Variants in PALS1 observed in about 807,000 individuals in gnomAD.
The protein encoded by PALS1 is protein associated with LIN7 1, MAGUK p55 family member.
PALS1 carries 31 observed loss-of-function variants against 78.9 expected under a neutral mutation model. The observed-to-expected ratio is 0.39, with a 90% confidence interval of 0.30 to 0.53. PALS1 has a LOEUF of 0.53. PALS1 is among the 20% of genes least tolerant of loss of function. The pLI is 0.67. For missense variants in PALS1, 704 were observed against 826.5 expected (o/e 0.85, Z 1.82); for synonymous variants, 276 against 270.9 (o/e 1.02, Z -0.18).
chr14:67,252,239 G>T (rs568848087), intron 1 of PALS1, among the ~76,000 whole-genome samples: 36 of 152,108 alleles, frequency 2.4e-4, no homozygotes, highest in African/African-American at 8.7e-4. Context: ...ACCCAGGCTG[G>T]AGTGCAGTGG....
At chr14:67,276,730 C>T (rs765850354) in intron 2 of PALS1, among the ~76,000 whole-genome samples, 1 of 152,068 alleles carries the variant, frequency 6.6e-6, no homozygotes, top group Non-Finnish European at 1.5e-5. Context: ...CAGATTACTA[C>T]CAGGTTATAG....
Position 67,316,896 on chromosome 14 carries a change from A to G in PALS1, c.1290A>G (p.Glu430=). ...KQTIEEDKEP[E]KSGKLWCAKK... ...CCATAGAAGAAGATAAGGAGCCAGA[A>G]AAATCAGGTTAGACACTTGTATTTG... is the stretch of plus-strand genomic sequence containing the variant. Residue 430 remains glutamate (E), a synonymous_variant, in exon 10 of 15, where the codon GAA becomes GAG. Transcript: ENST00000261681. 1 of 1,611,524 alleles carries G rather than the reference A, an allele frequency of 6.2e-7. No homozygotes were observed. The highest frequency in any genetic ancestry group is 2.2e-5 in the East Asian group (1 of 44,740).
In PALS1 at chr14:67,312,448, T is replaced by C. The variant is rs530568088; in HGVS notation, c.1042-79T>C. 5.9e-6 allele frequency: 6 copies of C among 1,021,516 alleles called. No homozygotes were observed. In the Admixed American group the frequency reaches 1.7e-4, roughly 29 times the overall value. The allele number at this position is 1,021,516 out of a possible 1,614,324, so 63.3% of individuals were successfully genotyped here. A position where few individuals can be genotyped will look rare whatever the true frequency, so the allele number is the denominator to read the frequency against. ...TTTAAAATTAAAAAATAATAAAAAA[T>C]TTGTAGCATTTAAATTGTATTCATA... On this transcript the variant is annotated intron_variant, in intron 8 of 14. Coordinates refer to ENST00000261681, the MANE Select transcript of PALS1 (RefSeq NM_022474.4).
chr14:67,325,979 C>CTTTTTTTTTTTTTTTTT (rs61592505), intron 14 of PALS1, among the ~76,000 whole-genome samples: 4 of 110,218 alleles, frequency 3.6e-5, no homozygotes, highest in African/African-American at 1.6e-4. Context: ...CGGCTCTTTT[C>CTTTTTTTTTTTTTTTTT]TTTTTTTTTT....
At chr14:67,320,957 A>G (rs2085254241) in intron 12 of PALS1, 100 bp from the exon 13 acceptor site, 1 of 923,274 alleles carries the variant, frequency 1.1e-6, no homozygotes, top group Non-Finnish European at 1.7e-6. Context: ...TTATTTTATA[A>G]TCTGTGTTAC....
Position 67,302,468 on chromosome 14 carries a change from G to T in PALS1, c.860G>T (p.Gly287Val), listed in dbSNP as rs760254236. 1 of 1,599,550 alleles carries T rather than the reference G, an allele frequency of 6.3e-7. No homozygotes were observed. The highest frequency in any genetic ancestry group is 1.1e-5 in the South Asian group (1 of 88,958). ...ATCATTAGCCGGATAGTAAAAGGGGGTGCTGCAGAGAAAAGTGGTCTGTTG... is the reference window on the plus strand; with the variant it reads ...ATCATTAGCCGGATAGTAAAAGGGGTTGCTGCAGAGAAAAGTGGTCTGTTG... Reference protein sequence around the residue: ...SVIISRIVKGGAAEKSGLLHE... With the variant: ...SVIISRIVKGVAAEKSGLLHE... Residue 287 changes from glycine to valine, a missense_variant, in exon 7 of 15, where the codon GGT becomes GTT. By Grantham distance (109) the Gly-to-Val change is moderately radical (BLOSUM62 -3). Transcript: ENST00000261681.
At chr14:67,281,725 G>A (rs759158565) in intron 3 of PALS1, among the ~76,000 whole-genome samples, 3 of 152,024 alleles carry the variant, frequency 2.0e-5, no homozygotes, top group Admixed American at 6.5e-5. Flanking sequence ...AGCTTCAGCC[G>A]GATTCACTTA....
At chr14:67,258,782 T>C (rs1168304209) in intron 1 of PALS1, among the ~76,000 whole-genome samples, 1 of 152,106 alleles carries the variant, frequency 6.6e-6, no homozygotes, top group Non-Finnish European at 1.5e-5. Flanking sequence ...TAATAAGTTA[T>C]TTTGTTATGC....
At position 67,329,877 on chromosome 14, in the gene PALS1, A is replaced by G. The variant is rs560172692; in HGVS notation, c.1852-2903A>G. 1.1e-3 allele frequency among the ~76,000 whole-genome samples: 99 copies of G among 86,858 alleles called. No individual in the cohort carries two copies. The East Asian group carries it at 0.021, about 19-fold the overall frequency. The allele number at this position is 86,858 out of a possible 152,430, so 57.0% of individuals were successfully genotyped here. On this transcript the variant is annotated intron_variant, in intron 14 of 14. Coordinates refer to ENST00000261681, the MANE Select transcript of PALS1 (RefSeq NM_022474.4). ...AAATAAATAAATAAATAAATAAATAAATAGATATAGAAACTAAGAAGATGA... is the reference window on the plus strand; with the variant it reads ...AAATAAATAAATAAATAAATAAATAGATAGATATAGAAACTAAGAAGATGA...
intron 4 of PALS1, among the ~76,000 whole-genome samples, chr14:67,297,049 T>G (rs2084865498): frequency 6.6e-6 from 1 of 152,256 alleles, no homozygotes; most frequent in Non-Finnish European, 1.5e-5. Flanking sequence ...TCACATTATT[T>G]TAACTTGATA....
chr14:67,304,462 T>A (rs1256091769), intron 8 of PALS1, among the ~76,000 whole-genome samples: 1 of 152,200 alleles, frequency 6.6e-6, no homozygotes, highest in African/African-American at 2.4e-5. Flanking sequence ...TTGATAATTT[T>A]AAAAGCCTAC....
At chr14:67,286,582 G>T (rs747403165) in intron 3 of PALS1, among the ~76,000 whole-genome samples, 3 of 152,080 alleles carry the variant, frequency 2.0e-5, no homozygotes, top group Non-Finnish European at 4.4e-5. Context: ...TTAGCCGGGC[G>T]TGGTGGCTCA....
chr14:67,272,488 A>G (rs916227810), intron 2 of PALS1, among the ~76,000 whole-genome samples: 6 of 152,234 alleles, frequency 3.9e-5, no homozygotes, highest in Non-Finnish European at 7.3e-5. Context: ...GTTGGCTGGC[A>G]CATAAAGAAG....
At chr14:67,317,601 T>C in intron 11 of PALS1, 122 bp downstream of exon 11, 1 of 609,036 alleles carries the variant, frequency 1.6e-6, no homozygotes, top group South Asian at 2.5e-5. Context: ...GTATTTTCTT[T>C]TGGAATCCTG....
chr14:67,304,525 G>A (rs1024530349), intron 8 of PALS1, among the ~76,000 whole-genome samples: 4 of 152,156 alleles, frequency 2.6e-5, no homozygotes, highest in East Asian at 1.9e-4. Context: ...TATGCTGAGC[G>A]AAGGAAGCCA....
intron 2 of PALS1, among the ~76,000 whole-genome samples, chr14:67,275,154 G>A (rs1299838079): frequency 1.3e-5 from 2 of 152,126 alleles, no homozygotes; most frequent in Non-Finnish European, 2.9e-5. Flanking sequence ...TTCCAACACT[G>A]TGTTGAATAG....
intron 2 of PALS1, among the ~76,000 whole-genome samples, chr14:67,276,505 G>A (rs1483943734): frequency 1.3e-5 from 2 of 152,060 alleles, no homozygotes; most frequent in Non-Finnish European, 2.9e-5. Flanking sequence ...AGTTCATTGT[G>A]ACATTCCAAG....
rs562744027 is a variant in PALS1, at chr14:67,336,048, T to C, written c.*3092T>C. The C allele has an allele frequency of 2.6e-5, 4 of 152,380 alleles. No homozygotes were observed. The highest frequency in any genetic ancestry group is 9.6e-5 in the African/African-American group (4 of 41,566). 9.4% of individuals were successfully genotyped at this position (152,380 alleles called of 1,614,324 possible). ...AACCAACAACTAAGTGTATTAAAGA[T>C]GGACAACGCAAGGCTGTGAACTTGA... On this transcript the variant is annotated 3_prime_UTR_variant, in exon 15 of 15. Coordinates refer to ENST00000261681, the MANE Select transcript of PALS1 (RefSeq NM_022474.4).
chr14:67,254,767 C>T (rs905939450), intron 1 of PALS1, among the ~76,000 whole-genome samples: 1 of 152,128 alleles, frequency 6.6e-6, no homozygotes, highest in Non-Finnish European at 1.5e-5. Context: ...TACCAATAAG[C>T]GATCTAGGTA....
Sources: gnomAD v4.1 joint callset for allele counts (sites outside exome capture counted in the v4.1 genomes callset) on GRCh38, gnomAD v4.1.1 for gene constraint, MANE v1.5 for transcripts, NCBI Gene and HGNC (gene_info 2026-07-23, HGNC 2026-07-21) for gene names.